Variants in ATRNL1 observed in about 807,000 individuals in gnomAD.
The protein encoded by ATRNL1 is attractin-like protein 1.
ATRNL1 carries 95 observed loss-of-function variants against 182.7 expected under a neutral mutation model. That is an observed-to-expected ratio of 0.52 (90% confidence interval 0.44 to 0.62). ATRNL1 has a LOEUF of 0.62. Ranked by LOEUF, ATRNL1 falls within the 20% of genes least tolerant of loss-of-function variation. The pLI is 0.00. For missense variants in ATRNL1, 1,471 were observed against 1,679.5 expected (o/e 0.88, Z 2.17); for synonymous variants, 576 against 568.3 (o/e 1.01, Z -0.19).
intron 18 of ATRNL1, among the ~76,000 whole-genome samples, chr10:115,318,630 G>T (rs549006429): frequency 5.3e-5 from 8 of 152,036 alleles, no homozygotes; most frequent in Non-Finnish European, 8.8e-5. Flanking sequence ...GTGTGTGTAT[G>T]TGTCCAGGAA....
intron 25 of ATRNL1, among the ~76,000 whole-genome samples, 159 bp from the exon 26 acceptor site, chr10:115,549,299 A>C (rs782551085): frequency 7.2e-5 from 11 of 152,084 alleles, no homozygotes; most frequent in South Asian, 2.1e-4. Flanking sequence ...TGGTTTTGAG[A>C]GAACATTTTA....
intron 26 of ATRNL1, among the ~76,000 whole-genome samples, chr10:115,604,346 A>G (rs1856766397): frequency 6.6e-6 from 1 of 152,136 alleles, no homozygotes; most frequent in African/African-American, 2.4e-5. Flanking sequence ...AATTCAGCCT[A>G]CTATTAAGGT....
intron 3 of ATRNL1, among the ~76,000 whole-genome samples, chr10:115,125,278 TA>T (rs1844916763): frequency 6.6e-6 from 1 of 152,180 alleles, no homozygotes; most frequent in African/African-American, 2.4e-5. Flanking sequence ...ATTGTAATTT[TA>T]CAAATGCAGA....
intron 11 of ATRNL1, 94 bp from the exon 12 acceptor site, chr10:115,266,703 T>G (rs928118280): frequency 8.4e-5 from 58 of 686,632 alleles, no homozygotes; most frequent in Admixed American, 5.1e-5. Flanking sequence ...TAGTATAAAA[T>G]GTATATTTAA....
chr10:115,377,077 T>C (rs1446804204), intron 19 of ATRNL1, among the ~76,000 whole-genome samples: 3 of 152,166 alleles, frequency 2.0e-5, no homozygotes, highest in Non-Finnish European at 4.4e-5. Context: ...TTGTTTACAT[T>C]TTCTTATTAA....
At chr10:115,349,328 A>G (rs1856122478) in intron 19 of ATRNL1, among the ~76,000 whole-genome samples, 1 of 152,196 alleles carries the variant, frequency 6.6e-6, no homozygotes, top group Non-Finnish European at 1.5e-5. Flanking sequence ...CCATTTGTGT[A>G]TATATACCAC....
intron 28 of ATRNL1, among the ~76,000 whole-genome samples, chr10:115,925,842 A>G (rs1190162592): frequency 6.6e-6 from 1 of 152,170 alleles, no homozygotes; most frequent in Non-Finnish European, 1.5e-5. Context: ...TTTCAATATT[A>G]GACGGATCAA....
intron 21 of ATRNL1, among the ~76,000 whole-genome samples, chr10:115,443,464 GTTA>G (rs1344815368): frequency 4.1e-5 from 6 of 147,080 alleles, no homozygotes; most frequent in East Asian, 1.9e-4. Context: ...TATTTTTGGT[GTTA>G]TTATTCATAT....
intron 28 of ATRNL1, among the ~76,000 whole-genome samples, chr10:115,892,088 G>A (rs1555111403): frequency 6.6e-6 from 1 of 152,038 alleles, no homozygotes; most frequent in African/African-American, 2.4e-5. Flanking sequence ...AAATATTTTG[G>A]GGTTTTGTTG....
intron 27 of ATRNL1, among the ~76,000 whole-genome samples, chr10:115,832,268 G>A (rs900256115): frequency 3.3e-5 from 5 of 152,150 alleles, no homozygotes; most frequent in Non-Finnish European, 2.9e-5. Context: ...CCATTCACTC[G>A]TGCTGTTGAC....
intron 26 of ATRNL1, among the ~76,000 whole-genome samples, chr10:115,613,451 A>G (rs556283591): frequency 2.0e-5 from 3 of 152,114 alleles, no homozygotes; most frequent in African/African-American, 7.2e-5. Context: ...TGATTTTTGC[A>G]TCTGTATTCA....
Position 115,785,066 on chromosome 10 carries a change from T to C in ATRNL1, c.3903+57711T>C, listed in dbSNP as rs201866698. Among the ~76,000 whole-genome samples, 10 of 152,282 alleles carry C rather than the reference T, an allele frequency of 6.6e-5. No homozygotes were observed. In the East Asian group the frequency reaches 1.9e-3, roughly 29 times the overall value. On this transcript the variant is annotated intron_variant, in intron 27 of 28. Coordinates refer to ENST00000355044, the MANE Select transcript of ATRNL1 (RefSeq NM_207303.4). ...ATCTAAAAATTCAAAAAGTCCCAAA[T>C]CTCATCATCTAAACCAGGTATAGGT...
At chr10:115,376,175 G>C (rs1554949475) in intron 19 of ATRNL1, among the ~76,000 whole-genome samples, 1 of 151,640 alleles carries the variant, frequency 6.6e-6, no homozygotes, top group Non-Finnish European at 1.5e-5. Flanking sequence ...TGTTTTATAA[G>C]GTTGTTGTTT....
At chr10:115,094,293 G>T (rs1554862598) in intron 1 of ATRNL1, among the ~76,000 whole-genome samples, 2 of 152,124 alleles carry the variant, frequency 1.3e-5, no homozygotes, top group African/African-American at 4.8e-5. Flanking sequence ...TTTCTCGAGC[G>T]TTCCAGATGT....
chr10:115,834,412 G>A (rs1262079266), intron 27 of ATRNL1, among the ~76,000 whole-genome samples: 1 of 152,084 alleles, frequency 6.6e-6, no homozygotes, highest in Non-Finnish European at 1.5e-5. Flanking sequence ...TAGTATATAT[G>A]TCTGAATCCA....
At chr10:115,365,839 G>T (rs1485702148) in intron 19 of ATRNL1, among the ~76,000 whole-genome samples, 1 of 152,196 alleles carries the variant, frequency 6.6e-6, no homozygotes, top group Non-Finnish European at 1.5e-5. Context: ...TTTTGAGTGA[G>T]ATTCTTAATC....
intron 26 of ATRNL1, among the ~76,000 whole-genome samples, chr10:115,692,216 G>A (rs185766160): frequency 1.3e-5 from 2 of 152,202 alleles, no homozygotes; most frequent in East Asian, 3.9e-4. Context: ...TTAAACAACT[G>A]AACTCTTTTT....
At chr10:115,382,864 A>G (rs1565833) in intron 19 of ATRNL1, among the ~76,000 whole-genome samples, 105,388 of 151,504 alleles carry the variant, frequency 0.7, 37,495 homozygotes, top group Non-Finnish European at 0.75. Context: ...AAATGCCCAC[A>G]CTATTTATCA....
At chr10:115,520,406 C>T (rs1850865853) in intron 25 of ATRNL1, among the ~76,000 whole-genome samples, 1 of 152,150 alleles carries the variant, frequency 6.6e-6, no homozygotes, top group Non-Finnish European at 1.5e-5. Context: ...GATTTGTGGG[C>T]TGTATGGTCT....
Sources: allele counts gnomAD v4.1 joint callset (sites outside exome capture counted in the v4.1 genomes callset), GRCh38; gene constraint gnomAD v4.1.1; transcripts MANE v1.5; gene names NCBI Gene and HGNC (gene_info 2026-07-23, HGNC 2026-07-21).